The following ROBO2 variants were observed in gnomAD, a reference collection of about 807,000 sequenced individuals.
The protein encoded by ROBO2 is roundabout guidance receptor 2, also known as roundabout homolog 2.
A neutral mutation model predicts 160.8 loss-of-function variants in ROBO2; 53 were observed. The observed-to-expected ratio is 0.33, with a 90% CI of 0.26 to 0.41. The LOEUF (loss-of-function observed/expected upper bound fraction) is 0.41, where lower values mean the gene tolerates loss of function less well. Ranked by LOEUF, ROBO2 falls within the 10% of genes least tolerant of loss-of-function variation. The pLI is 1.00. For missense variants in ROBO2, 1,577 were observed against 1,722.4 expected (o/e 0.92, Z 1.49); for synonymous variants, 664 against 611.7 (o/e 1.09, Z -1.26).
chr3:76,945,941 C>T (rs2078511295), intron 2 of ROBO2, among the ~76,000 whole-genome samples: 1 of 152,106 alleles, frequency 6.6e-6, no homozygotes, highest in South Asian at 2.1e-4. Flanking sequence ...TTTTGGAACT[C>T]ATTATGGGCT....
intron 2 of ROBO2, among the ~76,000 whole-genome samples, chr3:76,323,075 G>T (rs2072699543): frequency 6.6e-6 from 1 of 150,906 alleles, no homozygotes; most frequent in African/African-American, 2.4e-5. Context: ...TGTAGCAGTG[G>T]TCTTTCAATA....
chr3:76,966,272 G>T (rs375429437), intron 2 of ROBO2, among the ~76,000 whole-genome samples: 3 of 152,172 alleles, frequency 2.0e-5, no homozygotes, highest in East Asian at 3.9e-4. Flanking sequence ...GACACTGATG[G>T]TTTATTCACA....
At chr3:76,777,480 A>G (rs893049413) in intron 2 of ROBO2, among the ~76,000 whole-genome samples, 2 of 151,114 alleles carry the variant, frequency 1.3e-5, no homozygotes, top group Non-Finnish European at 3.0e-5. Context: ...TGCTGAATTG[A>G]GCAGAATTAT....
At chr3:76,631,943 C>T (rs139010554) in intron 2 of ROBO2, among the ~76,000 whole-genome samples, 6 of 152,306 alleles carry the variant, frequency 3.9e-5, no homozygotes, top group Non-Finnish European at 5.9e-5. Flanking sequence ...AATAATAAGG[C>T]ATTACTTCAG....
chr3:77,465,537 C>A (rs1391992575), intron 2 of ROBO2, among the ~76,000 whole-genome samples: 2 of 152,106 alleles, frequency 1.3e-5, no homozygotes, highest in African/African-American at 4.8e-5. Flanking sequence ...TACTGCTGAG[C>A]ACATACTCTA....
At chr3:77,323,474 C>T (rs1226793351) in intron 2 of ROBO2, among the ~76,000 whole-genome samples, 1 of 152,044 alleles carries the variant, frequency 6.6e-6, no homozygotes, top group Admixed American at 6.6e-5. Flanking sequence ...TTCTTTCTTC[C>T]AAAATTAATC....
chr3:76,888,799 C>T (rs1054627588), intron 2 of ROBO2, among the ~76,000 whole-genome samples: 2 of 152,146 alleles, frequency 1.3e-5, no homozygotes, highest in African/African-American at 4.8e-5. Flanking sequence ...TTTATTGGCT[C>T]AGTTTGTAGT....
intron 2 of ROBO2, among the ~76,000 whole-genome samples, chr3:76,501,394 G>T (rs2080455646): frequency 6.6e-6 from 1 of 152,110 alleles, no homozygotes; most frequent in South Asian, 2.1e-4. Flanking sequence ...GGAAAGTGGA[G>T]GAGATGAGAG....
chr3:75,954,053 A>T (rs1948643318), intron 2 of ROBO2, among the ~76,000 whole-genome samples: 1 of 151,912 alleles, frequency 6.6e-6, no homozygotes, highest in Non-Finnish European at 1.5e-5. Flanking sequence ...TAATAAATAC[A>T]ATTATCTCCC....
intron 2 of ROBO2, among the ~76,000 whole-genome samples, chr3:76,168,838 T>C (rs2072929854): frequency 1.3e-5 from 2 of 151,722 alleles, no homozygotes; most frequent in South Asian, 4.2e-4. Context: ...AATAATAACC[T>C]GCCTTAATGG....
intron 21 of ROBO2, among the ~76,000 whole-genome samples, chr3:77,612,369 A>G (rs2094663837): frequency 6.6e-6 from 1 of 152,168 alleles, no homozygotes; most frequent in Non-Finnish European, 1.5e-5. Flanking sequence ...CATGAAACCT[A>G]AGTATTTGTT....
chr3:76,067,521 C>T (rs940618408), intron 2 of ROBO2, among the ~76,000 whole-genome samples: 7 of 151,910 alleles, frequency 4.6e-5, no homozygotes, highest in African/African-American at 1.7e-4. Flanking sequence ...TATTGTTTAC[C>T]TGAAGAGCCA....
chr3:77,112,353 C>T (rs1222196958), intron 2 of ROBO2, among the ~76,000 whole-genome samples: 2 of 151,928 alleles, frequency 1.3e-5, no homozygotes, highest in South Asian at 2.1e-4. Context: ...AAGCGATTCA[C>T]CTGCCTCAGC....
intron 2 of ROBO2, among the ~76,000 whole-genome samples, chr3:77,177,506 A>C (rs1268445746): frequency 2.0e-5 from 3 of 151,982 alleles, no homozygotes; most frequent in East Asian, 3.9e-4. Context: ...AATTATTTCT[A>C]AATCACTTAT....
chr3:77,633,314 G>A (rs1461140287), intron 23 of ROBO2: 2 of 152,100 alleles, frequency 1.3e-5, no homozygotes, highest in Non-Finnish European at 2.9e-5. Context: ...AGAGTGATAA[G>A]TAATCATATA....
chr3:76,777,978 T>A (rs1448193429), intron 2 of ROBO2, among the ~76,000 whole-genome samples: 2 of 151,104 alleles, frequency 1.3e-5, no homozygotes, highest in Non-Finnish European at 3.0e-5. Context: ...TAATGGAGAA[T>A]CACCATTCTA....
chr3:77,186,399 A>C (rs2081290704), intron 2 of ROBO2, among the ~76,000 whole-genome samples: 1 of 151,994 alleles, frequency 6.6e-6, no homozygotes, highest in Non-Finnish European at 1.5e-5. Flanking sequence ...GAGATTATTA[A>C]TAAAGTAGGA....
intron 2 of ROBO2, among the ~76,000 whole-genome samples, chr3:76,744,301 T>G (rs2108091218): frequency 6.6e-6 from 1 of 152,116 alleles, no homozygotes; most frequent in Middle Eastern, 3.4e-3. Flanking sequence ...TCCCCTCCTC[T>G]TCCTCTTCCG....
At chr3:77,584,171 T>G (rs564572168) in intron 16 of ROBO2, among the ~76,000 whole-genome samples, 2 of 152,254 alleles carry the variant, frequency 1.3e-5, no homozygotes, top group African/African-American at 4.8e-5. Context: ...CTCTCTATTT[T>G]AAGTCACTCT....
Sources: gnomAD v4.1 joint callset for allele counts (sites outside exome capture counted in the v4.1 genomes callset) on GRCh38, gnomAD v4.1.1 for gene constraint, MANE v1.5 for transcripts, NCBI Gene and HGNC (gene_info 2026-07-23, HGNC 2026-07-21) for gene names.